Variants in PCDH15 observed in about 807,000 individuals in gnomAD.
PCDH15 encodes the protein protocadherin related 15, also known as protocadherin-15.
Under a neutral mutation model 178.5 loss-of-function variants are expected in PCDH15, and 129 were observed. The ratio of observed to expected loss-of-function variants is 0.72; its 90% CI spans 0.63 to 0.84. The LOEUF is 0.84. PCDH15 is among the 40% of genes least tolerant of loss of function. The probability of loss-of-function intolerance (pLI) is 0.00; values close to 1 mark genes in which losing one functional copy is unlikely to be tolerated. For missense variants in PCDH15, 2,230 were observed against 2,099.9 expected (o/e 1.06, Z -1.21); for synonymous variants, 800 against 732.0 (o/e 1.09, Z -1.50).
chr10:55,271,224 C>T (rs192714241), intron 1 of PCDH15, among the ~76,000 whole-genome samples: 1 of 151,960 alleles, frequency 6.6e-6, no homozygotes, highest in East Asian at 1.9e-4. Flanking sequence ...ATGCAACAAA[C>T]CTACCCATGA....
At chr10:54,580,689 A>G (rs2090955250) in intron 2 of PCDH15, among the ~76,000 whole-genome samples, 1 of 152,094 alleles carries the variant, frequency 6.6e-6, no homozygotes, top group Non-Finnish European at 1.5e-5. Flanking sequence ...ACATAAACAC[A>G]AAAATCTCCA....
intron 4 of PCDH15, among the ~76,000 whole-genome samples, chr10:54,369,685 C>T (rs543254217): frequency 1.3e-5 from 2 of 151,996 alleles, no homozygotes; most frequent in African/African-American, 4.8e-5. Flanking sequence ...TATATTTTTG[C>T]TGGAATATTA....
At chr10:55,340,754 A>G (rs1185585800) in intron 2 of PCDH15, among the ~76,000 whole-genome samples, 1 of 152,088 alleles carries the variant, frequency 6.6e-6, no homozygotes, top group Non-Finnish European at 1.5e-5. Flanking sequence ...TATGATAATG[A>G]ATCTATGAGA....
intron 3 of PCDH15, among the ~76,000 whole-genome samples, chr10:54,481,247 A>G (rs935334327): frequency 1.3e-5 from 2 of 151,876 alleles, no homozygotes; most frequent in African/African-American, 4.8e-5. Context: ...AAATTCTTAT[A>G]TTACAAAATT....
intron 32 of PCDH15, chr10:53,822,297 A>G (rs1299654125): frequency 2.5e-6 from 4 of 1,612,174 alleles, no homozygotes; most frequent in Non-Finnish European, 3.4e-6. Flanking sequence ...TGGAGGTAGA[A>G]GAGGTGGTGT....
In PCDH15 at chr10:54,382,420, C is replaced by T. The variant is rs549266589; in HGVS notation, c.158-3478G>A. Among the ~76,000 whole-genome samples, 7 of 152,156 alleles carry T rather than the reference C, an allele frequency of 4.6e-5. No individual in the cohort carries two copies. The South Asian group carries it at 1.5e-3, about 32-fold the overall frequency. On this transcript the variant is annotated intron_variant, in intron 3 of 37. Coordinates refer to ENST00000644397, the MANE Select transcript of PCDH15 (RefSeq NM_001384140.1). ...TAGATTTTCCATTTTTTCTTAAGAT[C>T]TTCTCACATAGCTAGCCCTTTCTTT...
intron 1 of PCDH15, among the ~76,000 whole-genome samples, chr10:55,254,008 T>A (rs926645715): frequency 3.9e-5 from 6 of 152,144 alleles, no homozygotes; most frequent in African/African-American, 1.4e-4. Flanking sequence ...TTTAAAAACG[T>A]TTAGTATCTC....
At chr10:54,433,118 G>T (rs1957146245) in intron 3 of PCDH15, among the ~76,000 whole-genome samples, 1 of 152,134 alleles carries the variant, frequency 6.6e-6, no homozygotes, top group African/African-American at 2.4e-5. Flanking sequence ...TACACTGTGG[G>T]TGGGAATGTA....
chr10:54,564,627 A>C (rs1014271509), intron 2 of PCDH15, among the ~76,000 whole-genome samples: 2 of 152,150 alleles, frequency 1.3e-5, no homozygotes. Flanking sequence ...GCAAATTAGA[A>C]AAGGGCTTTT....
chr10:54,920,188 C>G (rs948056579), intron 2 of PCDH15, among the ~76,000 whole-genome samples: 10 of 152,012 alleles, frequency 6.6e-5, no homozygotes, highest in African/African-American at 2.4e-4. Context: ...AAAAATTTCT[C>G]GGCCGGGAGC....
rs184045061 is a variant in PCDH15 at position 54,015,365 on chromosome 10, A to C, written c.2751+4827T>G. 8.0e-4 allele frequency among the ~76,000 whole-genome samples: 111 copies of C among 138,824 alleles called. 3 individuals are homozygous for C. In the East Asian group the frequency reaches 0.02, roughly 25 times the overall value. The allele number at this position is 138,824 out of a possible 152,430, so 91.1% of individuals were successfully genotyped here. On this transcript the variant is annotated intron_variant, in intron 20 of 37. Coordinates refer to ENST00000644397, the MANE Select transcript of PCDH15 (RefSeq NM_001384140.1). ...GTACAGATTCAATGCTATTCCTATT[A>C]AACTACCAAAGGCATTATTCACAAG... is the stretch of plus-strand genomic sequence containing the variant.
intron 3 of PCDH15, among the ~76,000 whole-genome samples, chr10:54,843,448 T>A (rs1454508842): frequency 6.6e-6 from 1 of 151,968 alleles, no homozygotes; most frequent in East Asian, 1.9e-4. Context: ...ACATCTTAAT[T>A]GTGATTTATG....
chr10:54,144,641 C>G (rs2043733073), intron 14 of PCDH15, among the ~76,000 whole-genome samples: 1 of 152,176 alleles, frequency 6.6e-6, no homozygotes, highest in Non-Finnish European at 1.5e-5. Context: ...CAATTAAAGC[C>G]TTCTTCCTTG....
At chr10:54,961,995 C>T (rs2131885060) in intron 2 of PCDH15, among the ~76,000 whole-genome samples, 1 of 152,378 alleles carries the variant, frequency 6.6e-6, no homozygotes, top group South Asian at 2.1e-4. Context: ...CCTTGGGTCT[C>T]CTCTCTGATG....
intron 13 of PCDH15, among the ~76,000 whole-genome samples, chr10:54,154,379 C>A (rs1217748795): frequency 6.6e-6 from 1 of 151,944 alleles, no homozygotes; most frequent in Non-Finnish European, 1.5e-5. Context: ...GTAAATTAAC[C>A]TACCTGTAGA....
At chr10:54,826,431 CA>C (rs900959846) in intron 3 of PCDH15, among the ~76,000 whole-genome samples, 44 of 149,070 alleles carry the variant, frequency 3.0e-4, no homozygotes, top group Non-Finnish European at 3.9e-4. Context: ...ACAACTGAAA[CA>C]AAAAAAAATT....
At chr10:54,036,498 G>A (rs1373911141) in intron 18 of PCDH15, among the ~76,000 whole-genome samples, 1 of 150,312 alleles carries the variant, frequency 6.7e-6, no homozygotes, top group East Asian at 2.0e-4. Context: ...CCTAATAAAA[G>A]CATATATTTA....
At chr10:54,811,561 C>A (rs1171706322) in intron 3 of PCDH15, among the ~76,000 whole-genome samples, 1 of 152,114 alleles carries the variant, frequency 6.6e-6, no homozygotes, top group Non-Finnish European at 1.5e-5. Flanking sequence ...ACCTCTGCCT[C>A]CCTAGTACAA....
At chr10:54,394,903 G>A (rs533453280) in intron 3 of PCDH15, among the ~76,000 whole-genome samples, 101 of 152,184 alleles carry the variant, frequency 6.6e-4, no homozygotes, top group African/African-American at 2.3e-3. Flanking sequence ...ATTTGCTTTT[G>A]AAAGAAGAGA....
Sources: allele counts gnomAD v4.1 joint callset (sites outside exome capture counted in the v4.1 genomes callset), GRCh38; gene constraint gnomAD v4.1.1; transcripts MANE v1.5; gene names NCBI Gene and HGNC (gene_info 2026-07-23, HGNC 2026-07-21).